The following SPECC1L variants were observed in gnomAD, a reference collection of about 807,000 sequenced individuals.
The protein encoded by SPECC1L is cytospin-A.
In SPECC1L, 40 loss-of-function variants were observed where a neutral mutation model predicts 116.8. That is an observed-to-expected ratio of 0.34 (90% CI 0.27 to 0.45). SPECC1L has a LOEUF of 0.45. Ranked by LOEUF, SPECC1L falls within the 20% of genes least tolerant of loss-of-function variation. The probability of loss-of-function intolerance (pLI) is 1.00; values close to 1 mark genes in which losing one functional copy is unlikely to be tolerated. For synonymous variants in SPECC1L, 504 were observed against 500.6 expected (o/e 1.01, Z -0.09); for missense variants, 1,110 against 1,373.6 (o/e 0.81, Z 3.03).
chr22:24,389,226 C>G (rs2042219980), intron 14 of SPECC1L, among the ~76,000 whole-genome samples: 1 of 150,662 alleles, frequency 6.6e-6, no homozygotes, highest in South Asian at 2.1e-4. Flanking sequence ...AAGCGATTCT[C>G]CTGCTTCAGC....
At chr22:24,407,623 C>G (rs1197356298) in intron 14 of SPECC1L, among the ~76,000 whole-genome samples, 1 of 152,194 alleles carries the variant, frequency 6.6e-6, no homozygotes, top group Non-Finnish European at 1.5e-5. Context: ...TGGCCTCACA[C>G]AGAGCTCCAC....
chr22:24,309,230 C>T (rs1305324046), intron 3 of SPECC1L, among the ~76,000 whole-genome samples: 1 of 152,164 alleles, frequency 6.6e-6, no homozygotes, highest in East Asian at 1.9e-4. Flanking sequence ...ATTCCATTGA[C>T]TTAAAAGGTT....
Position 24,411,713 on chromosome 22 carries a change from T to C in SPECC1L, c.3204+9T>C, listed in dbSNP as rs370768236. ...TGAACAGCCAGGATAAGGTAGGCCA[T>C]GGAGGGCCAGCTCCTGGCACCCACC... On this transcript the variant is annotated intron_variant, in intron 15 of 16. Coordinates refer to ENST00000314328, the MANE Select transcript of SPECC1L (RefSeq NM_015330.6). The C allele has an allele frequency of 1.2e-6, 2 of 1,606,306 alleles. No individual in the cohort carries two copies. The highest frequency in any genetic ancestry group is 1.3e-5 in the African/African-American group (1 of 74,762).
chr22:24,291,839 C>T (rs895114652), intron 2 of SPECC1L, among the ~76,000 whole-genome samples: 4 of 152,100 alleles, frequency 2.6e-5, no homozygotes, highest in East Asian at 1.9e-4. Context: ...TTTGATCATA[C>T]GTGGTTGGGC....
chr22:24,277,403 C>G (rs1362626528), intron 2 of SPECC1L, among the ~76,000 whole-genome samples: 1 of 152,170 alleles, frequency 6.6e-6, no homozygotes, highest in Non-Finnish European at 1.5e-5. Context: ...CCTTAAAATT[C>G]AGGCTTTTAA....
chr22:24,406,766 C>T (rs1487828925), intron 14 of SPECC1L, among the ~76,000 whole-genome samples: 2 of 152,164 alleles, frequency 1.3e-5, no homozygotes, highest in East Asian at 3.9e-4. Context: ...CCGTGGTGGC[C>T]GTGTGGAGGG....
chr22:24,327,405 A>C (rs960280763), intron 6 of SPECC1L, among the ~76,000 whole-genome samples: 2 of 152,090 alleles, frequency 1.3e-5, no homozygotes, highest in African/African-American at 4.8e-5. Context: ...ATGATGAGCC[A>C]TCTAAGAAAG....
intron 14 of SPECC1L, among the ~76,000 whole-genome samples, chr22:24,409,412 T>C (rs992892491): frequency 2.6e-5 from 4 of 152,146 alleles, no homozygotes; most frequent in African/African-American, 9.7e-5. Flanking sequence ...AAAATTGAAA[T>C]GTGTAGATTC....
chr22:24,413,662 T>C (rs1412560380), intron 16 of SPECC1L, among the ~76,000 whole-genome samples: 1 of 151,952 alleles, frequency 6.6e-6, no homozygotes, highest in Non-Finnish European at 1.5e-5. Flanking sequence ...AGTTAAATAT[T>C]CCCCCATTCC....
intron 2 of SPECC1L, among the ~76,000 whole-genome samples, chr22:24,291,808 AG>A (rs34803327): frequency 6.6e-6 from 1 of 152,184 alleles, no homozygotes; most frequent in African/African-American, 2.4e-5. Context: ...TAACTTACCC[AG>A]GGATATAGAA....
intron 10 of SPECC1L, among the ~76,000 whole-genome samples, chr22:24,340,162 T>TTTTTTG: frequency 6.9e-6 from 1 of 145,566 alleles, no homozygotes; most frequent in African/African-American, 2.6e-5. Flanking sequence ...TTTTTTTTTT[T>TTTTTTG]TTTTGAGACG....
intron 2 of SPECC1L, among the ~76,000 whole-genome samples, chr22:24,291,649 G>A (rs1160933753): frequency 6.6e-6 from 1 of 151,798 alleles, no homozygotes; most frequent in Non-Finnish European, 1.5e-5. Context: ...AATTATGATA[G>A]CTCATGTTAT....
chr22:24,295,820 C>T (rs1453274252), intron 2 of SPECC1L, among the ~76,000 whole-genome samples: 1 of 151,992 alleles, frequency 6.6e-6, no homozygotes, highest in Admixed American at 6.6e-5. Flanking sequence ...TGGTGGCAGG[C>T]GCCCATAATC....
rs186516743 is a variant in SPECC1L, at chr22:24,417,151, G to T, written c.*2528G>T. On this transcript the variant is annotated 3_prime_UTR_variant, in exon 17 of 17. Coordinates refer to ENST00000314328, the MANE Select transcript of SPECC1L (RefSeq NM_015330.6). ...AAGCTTTACTGCAAAAGGGCCAGTC[G>T]CGTTTCTATTTCTCTCGATCCCAGG... 5 of 152,696 alleles carry T rather than the reference G, an allele frequency of 3.3e-5. No homozygotes were observed. Among genetic ancestry groups the T allele is most frequent in the Admixed American group, 3.3e-4 (5 of 15,298 alleles). 9.5% of individuals were successfully genotyped at this position (152,696 alleles called of 1,614,324 possible). A position where few individuals can be genotyped will look rare whatever the true frequency, so the allele number is the denominator to read the frequency against.
At position 24,320,318 on chromosome 22, in the gene SPECC1L, C is replaced by A. The variant is rs148489674; in HGVS notation, c.308-970C>A. 7.7e-3 allele frequency among the ~76,000 whole-genome samples: 1,173 copies of A among 152,218 alleles called. 48 individuals are homozygous for A. Among genetic ancestry groups the A allele is most frequent in the Admixed American group, 0.068 (1,041 of 15,286 alleles). The stretch of plus-strand genomic sequence containing the variant: ...AAACGAACAAAAAAAACTTCCTGTT[C>A]TTTTTGTATTAAACAAATGATTGTG... On this transcript the variant is annotated intron_variant, in intron 4 of 16. Transcript: ENST00000314328.
Position 24,324,244 on chromosome 22 carries a change from CAAG to C in SPECC1L, c.1970_1972del (p.Glu657del). On this transcript the variant is annotated inframe_deletion, in exon 6 of 17. Transcript: ENST00000314328. ...GGTAGAGGATGAATACCGAGCCTTC[CAAG>C]AAGAAGCTAAGAAACAAATTGAAGA... The C allele has an allele frequency of 6.2e-7, 1 of 1,613,820 alleles. No homozygotes were observed. The highest frequency in any genetic ancestry group is 8.5e-7 in the Non-Finnish European group (1 of 1,179,968).
At position 24,365,510 on chromosome 22, in the gene SPECC1L, C is replaced by G; in HGVS notation, c.2862C>G (p.Asp954Glu). The G allele has an allele frequency of 1.9e-6, 3 of 1,614,118 alleles. No individual in the cohort carries two copies. The highest frequency in any genetic ancestry group is 2.5e-6 in the Non-Finnish European group (3 of 1,180,010). ...SRRSSEEVKRDISAQEGASPA... is the reference protein window; with the variant it reads ...SRRSSEEVKREISAQEGASPA... ...GAAGTAGTGAAGAAGTGAAACGGGACATTTCTGCACAGGAGGGAGCGTCGC... is the reference window on the plus strand; with the variant it reads ...GAAGTAGTGAAGAAGTGAAACGGGAGATTTCTGCACAGGAGGGAGCGTCGC... The change falls in exon 13 of 17, where the codon GAC (aspartate) becomes GAG (glutamate). Residue 954 changes from aspartate (D) to glutamate (E), a missense_variant. Physicochemically the swap from Asp to Glu is conservative, Grantham distance 45 (BLOSUM62 2). This residue lies in a region of SPECC1L where 575 missense variants were observed against 682.4 expected (regional missense o/e 0.84). Transcript: ENST00000314328.
chr22:24,403,708 C>T (rs192311540), intron 14 of SPECC1L, among the ~76,000 whole-genome samples: 3 of 152,342 alleles, frequency 2.0e-5, no homozygotes, highest in Admixed American at 1.3e-4. Context: ...GAAAACGCCA[C>T]TTTTACTAAA....
chr22:24,347,183 G>T lies in SPECC1L; in HGVS notation c.2743+7G>T. On this transcript the variant is annotated splice_region_variant and intron_variant, in intron 11 of 16. Transcript: ENST00000314328. ...GGGGAAATCCCTGTTCAAGGTACGT[G>T]TAATATGCCATAGCATTTCACCTTT... 1 of 1,602,648 alleles carries T rather than the reference G, an allele frequency of 6.2e-7. No homozygotes were observed. The highest frequency in any genetic ancestry group is 1.1e-5 in the South Asian group (1 of 90,836).
Sources: gnomAD v4.1 joint callset for allele counts (sites outside exome capture counted in the v4.1 genomes callset) on GRCh38, gnomAD v4.1.1 for gene constraint, gnomAD v4.1.1 regional missense constraint, MANE v1.5 for transcripts, NCBI Gene and HGNC (gene_info 2026-07-23, HGNC 2026-07-21) for gene names.